Variants in CABCOCO1 observed in about 807,000 individuals in gnomAD.
CABCOCO1 encodes the protein ciliary-associated calcium-binding coiled-coil protein 1.
Under a neutral mutation model 35.7 loss-of-function variants are expected in CABCOCO1, and 28 were observed. The ratio of observed to expected loss-of-function variants is 0.78; its 90% CI spans 0.58 to 1.07. The LOEUF is 1.07. Among genes scored for constraint, CABCOCO1 ranks in the 50% least tolerant of loss-of-function variants. The probability of loss-of-function intolerance (pLI) is 0.00; values close to 1 mark genes in which losing one functional copy is unlikely to be tolerated. For missense variants in CABCOCO1, 326 were observed against 309.2 expected (o/e 1.05, Z -0.41); for synonymous variants, 95 against 100.1 (o/e 0.95, Z 0.30).
intron 4 of CABCOCO1, among the ~76,000 whole-genome samples, chr10:61,687,420 G>A (rs1008980831): frequency 6.6e-6 from 1 of 152,148 alleles, no homozygotes; most frequent in African/African-American, 2.4e-5. Flanking sequence ...CATTGTATTA[G>A]CATCCTTATT....
intron 5 of CABCOCO1, among the ~76,000 whole-genome samples, chr10:61,753,225 C>G (rs930842005): frequency 2.0e-5 from 3 of 151,886 alleles, no homozygotes; most frequent in African/African-American, 7.3e-5. Context: ...TTAAATAGAA[C>G]GCTCTAGAAG....
chr10:61,672,508 T>C (rs981554430), intron 1 of CABCOCO1, among the ~76,000 whole-genome samples, 124 bp from the exon 2 acceptor site: 2 of 152,136 alleles, frequency 1.3e-5, no homozygotes, highest in Non-Finnish European at 2.9e-5. Flanking sequence ...ATCTCGAAGA[T>C]TGTTGTTTTT....
At chr10:61,675,509 A>G (rs544928100) in intron 2 of CABCOCO1, among the ~76,000 whole-genome samples, 1 of 152,348 alleles carries the variant, frequency 6.6e-6, no homozygotes, top group African/African-American at 2.4e-5. Flanking sequence ...TTTTTTGGCA[A>G]GTAGTTACTG....
At chr10:61,735,448 G>T (rs1359808301) in intron 5 of CABCOCO1, among the ~76,000 whole-genome samples, 1 of 151,996 alleles carries the variant, frequency 6.6e-6, no homozygotes, top group Admixed American at 6.6e-5. Context: ...AAAGTTAGAC[G>T]GAGAGCTACA....
intron 1 of CABCOCO1, among the ~76,000 whole-genome samples, chr10:61,666,585 G>C (rs1158403328): frequency 1.3e-5 from 2 of 152,074 alleles, no homozygotes; most frequent in African/African-American, 4.8e-5. Context: ...AAGAAGTCCT[G>C]CTCCTCCTCT....
chr10:61,714,451 CA>C (rs374083425), intron 5 of CABCOCO1, among the ~76,000 whole-genome samples: 6,342 of 152,052 alleles, frequency 0.042, 275 homozygotes, highest in African/African-American at 0.1. Context: ...TTGATCTTTT[CA>C]AAAAACCAGC....
At chr10:61,691,151 T>C (rs975751627) in intron 5 of CABCOCO1, among the ~76,000 whole-genome samples, 2 of 152,180 alleles carry the variant, frequency 1.3e-5, no homozygotes, top group African/African-American at 2.4e-5. Context: ...TGATCTCTTA[T>C]TGCTGAATTT....
chr10:61,665,399 A>G (rs1839134291), intron 1 of CABCOCO1, among the ~76,000 whole-genome samples: 1 of 152,204 alleles, frequency 6.6e-6, no homozygotes, highest in African/African-American at 2.4e-5. Context: ...GCCTCCCTTT[A>G]CATGGTAAAA....
Position 61,761,067 on chromosome 10 carries a change from A to T in CABCOCO1, c.816+64A>T, listed in dbSNP as rs1841999510. The T allele has an allele frequency of 1.9e-6, 3 of 1,548,868 alleles. No individual in the cohort carries two copies. The African/African-American group carries it at 4.1e-5, about 21-fold the overall frequency. ...TGGTTAATTAGCCAACCTTAACTTT[A>T]ATGTCTATAAACACTCCCCACACTG... On this transcript the variant is annotated intron_variant, in intron 7 of 7. Coordinates refer to ENST00000648843, the MANE Select transcript of CABCOCO1 (RefSeq NM_001366906.2).
intron 5 of CABCOCO1, among the ~76,000 whole-genome samples, chr10:61,717,560 A>T (rs1840897721): frequency 6.6e-6 from 1 of 152,194 alleles, no homozygotes; most frequent in African/African-American, 2.4e-5. Flanking sequence ...ACAACCAAAA[A>T]GTATTGCATG....
chr10:61,693,063 A>G (rs910314120), intron 5 of CABCOCO1, among the ~76,000 whole-genome samples: 6 of 152,114 alleles, frequency 3.9e-5, no homozygotes, highest in African/African-American at 1.4e-4. Flanking sequence ...TATTTAGGTG[A>G]CATTTATGCT....
chr10:61,738,354 G>C (rs1036848811), intron 5 of CABCOCO1, among the ~76,000 whole-genome samples: 1 of 152,144 alleles, frequency 6.6e-6, no homozygotes, highest in African/African-American at 2.4e-5. Flanking sequence ...GCTTGGTACT[G>C]TCTATTTCTG....
chr10:61,745,828 C>T (rs2132073640), intron 5 of CABCOCO1, among the ~76,000 whole-genome samples: 1 of 152,304 alleles, frequency 6.6e-6, no homozygotes, highest in South Asian at 2.1e-4. Context: ...CTTTGAAAGA[C>T]CCACAGTGTT....
At chr10:61,751,490 A>T (rs1841784211) in intron 5 of CABCOCO1, among the ~76,000 whole-genome samples, 1 of 152,122 alleles carries the variant, frequency 6.6e-6, no homozygotes, top group Non-Finnish European at 1.5e-5. Flanking sequence ...CCAGTAACTG[A>T]GAAGCTGGTG....
chr10:61,755,494 A>G (rs1170210531), intron 5 of CABCOCO1, among the ~76,000 whole-genome samples: 2 of 152,102 alleles, frequency 1.3e-5, no homozygotes, highest in Non-Finnish European at 2.9e-5. Flanking sequence ...TGATTTACAT[A>G]TGAAGTCATC....
intron 5 of CABCOCO1, among the ~76,000 whole-genome samples, chr10:61,738,018 G>A (rs1222414544): frequency 6.7e-6 from 1 of 149,736 alleles, no homozygotes; most frequent in Non-Finnish European, 1.5e-5. Flanking sequence ...ACCAATTAAA[G>A]CGTATACAAA....
At chr10:61,755,388 T>A (rs771747266) in intron 5 of CABCOCO1, among the ~76,000 whole-genome samples, 2 of 152,116 alleles carry the variant, frequency 1.3e-5, no homozygotes, top group Non-Finnish European at 2.9e-5. Flanking sequence ...GTTAAAACAT[T>A]ACAGGAATTT....
In CABCOCO1 at chr10:61,680,652, T is replaced by TGTTATACATGTATAACATA. The variant is rs1396683471; in HGVS notation, c.165-491_165-490insGTTATACATGTATAACATA. ...ACATGTTATACATATATAATATATATTATGTTATACATGTATAACATATAT... is the reference window on the plus strand; with the variant it reads ...ACATGTTATACATATATAATATATATGTTATACATGTATAACATATATGTTATACATGTATAACATATAT... On this transcript the variant is annotated intron_variant, in intron 2 of 7. Coordinates refer to ENST00000648843, the MANE Select transcript of CABCOCO1 (RefSeq NM_001366906.2). Among the ~76,000 whole-genome samples the TGTTATACATGTATAACATA allele has an allele frequency of 3.9e-4, 15 of 38,068 alleles. 1 individual carries two copies. Among genetic ancestry groups the TGTTATACATGTATAACATA allele is most frequent in the South Asian group, 2.7e-3 (2 of 750 alleles). The allele number at this position is 38,068 out of a possible 152,430, so 25.0% of individuals were successfully genotyped here. A position where few individuals can be genotyped will look rare whatever the true frequency, so the allele number is the denominator to read the frequency against.
intron 5 of CABCOCO1, among the ~76,000 whole-genome samples, chr10:61,728,195 C>A (rs1243163611): frequency 6.6e-6 from 1 of 152,110 alleles, no homozygotes; most frequent in African/African-American, 2.4e-5. Flanking sequence ...TCTTTTAGAT[C>A]TGTAAGTCTT....
Sources: allele counts gnomAD v4.1 joint callset (sites outside exome capture counted in the v4.1 genomes callset), GRCh38; gene constraint gnomAD v4.1.1; transcripts MANE v1.5; gene names NCBI Gene and HGNC (gene_info 2026-07-23, HGNC 2026-07-21).